Variants in KCNJ6 observed in about 807,000 individuals in gnomAD.
KCNJ6 encodes G protein-activated inward rectifier potassium channel 2.
A neutral mutation model predicts 34.2 loss-of-function variants in KCNJ6; 9 were observed. The observed-to-expected ratio is 0.26, with a 90% CI of 0.16 to 0.46. KCNJ6 has a LOEUF of 0.46. Ranked by LOEUF, KCNJ6 falls within the 20% of genes least tolerant of loss-of-function variation. KCNJ6 has a pLI of 1.00. For missense variants in KCNJ6, 236 were observed against 531.3 expected, an observed-to-expected ratio of 0.44 and a Z score of 5.46; for synonymous variants, 196 against 207.1, an observed-to-expected ratio of 0.95 and a Z score of 0.46.
intron 1 of KCNJ6, among the ~76,000 whole-genome samples, chr21:37,894,238 C>T (rs181308548): frequency 2.4e-4 from 37 of 152,328 alleles, no homozygotes; most frequent in African/African-American, 7.7e-4. Flanking sequence ...TCACAATCAC[C>T]AGGGAGCTTG....
intron 3 of KCNJ6, among the ~76,000 whole-genome samples, chr21:37,636,605 G>A (rs1384270791): frequency 2.6e-5 from 4 of 152,282 alleles, no homozygotes; most frequent in South Asian, 2.1e-4. Flanking sequence ...AAGGGAGTGC[G>A]TGTTACGGGT....
intron 3 of KCNJ6, among the ~76,000 whole-genome samples, chr21:37,707,481 T>C (rs896817392): frequency 6.6e-6 from 1 of 152,090 alleles, no homozygotes; most frequent in African/African-American, 2.4e-5. Flanking sequence ...AGACAGAGGT[T>C]ACGTAAGGCA....
intron 3 of KCNJ6, among the ~76,000 whole-genome samples, chr21:37,713,750 T>C (rs2054775191): frequency 6.6e-6 from 1 of 152,214 alleles, no homozygotes; most frequent in Non-Finnish European, 1.5e-5. Context: ...AAACCAATGC[T>C]ATAGGCCTTA....
intron 2 of KCNJ6, among the ~76,000 whole-genome samples, chr21:37,763,036 C>A (rs2055073441): frequency 6.6e-6 from 1 of 152,178 alleles, no homozygotes; most frequent in Non-Finnish European, 1.5e-5. Flanking sequence ...CACGCAGCCA[C>A]CAGTGACTGC....
chr21:37,701,293 C>T (rs923765459), intron 3 of KCNJ6, among the ~76,000 whole-genome samples: 1 of 152,148 alleles, frequency 6.6e-6, no homozygotes, highest in Admixed American at 6.5e-5. Context: ...GGAAGGGAAC[C>T]TTGAAGGAGA....
At chr21:37,754,268 G>A (rs374698247) in intron 2 of KCNJ6, among the ~76,000 whole-genome samples, 1 of 152,190 alleles carries the variant, frequency 6.6e-6, no homozygotes, top group East Asian at 1.9e-4. Flanking sequence ...AGACCTCAAG[G>A]AGACAAAGTA....
At position 37,614,430 on chromosome 21, in the gene KCNJ6, G is replaced by A. The variant is rs879773298; in HGVS notation, c.*10729C>T. On this transcript the variant is annotated 3_prime_UTR_variant, in exon 4 of 4. Coordinates refer to ENST00000609713, the MANE Select transcript of KCNJ6 (RefSeq NM_002240.5). ...TGTGTCTGTGTCTGTGTGAGTATGC[G>A]TGTATCTCTGTGTGTATGCATGTGT... 63 of 137,138 alleles carry A rather than the reference G, an allele frequency of 4.6e-4. 1 individual carries two copies. Among genetic ancestry groups the A allele is most frequent in the Admixed American group, 2.8e-3 (37 of 13,268 alleles). 8.5% of individuals were successfully genotyped at this position (137,138 alleles called of 1,614,324 possible).
At chr21:37,669,577 T>TTGTGTG (rs35169360) in intron 3 of KCNJ6, among the ~76,000 whole-genome samples, 3,458 of 149,150 alleles carry the variant, frequency 0.023, 76 homozygotes, top group South Asian at 0.14. Flanking sequence ...TCTGTGTGTG[T>TTGTGTG]TGTGTGTGTG....
In KCNJ6 at chr21:37,621,891, C is replaced by G. The variant is rs1434086718; in HGVS notation, c.*3268G>C. ...TTAATGTAAAAGAGTATAGCTTACCCAGGGGACAGCTAAAACAGAAATGAT... is the reference window on the plus strand; with the variant it reads ...TTAATGTAAAAGAGTATAGCTTACCGAGGGGACAGCTAAAACAGAAATGAT... On this transcript the variant is annotated 3_prime_UTR_variant, in exon 4 of 4. Coordinates refer to ENST00000609713, the MANE Select transcript of KCNJ6 (RefSeq NM_002240.5). The G allele has an allele frequency of 6.6e-6, 1 of 152,176 alleles. No homozygotes were observed. Among genetic ancestry groups the G allele is most frequent in the Non-Finnish European group, 1.5e-5 (1 of 68,036 alleles). The allele number at this position is 152,176 out of a possible 1,614,324, so 9.4% of individuals were successfully genotyped here.
intron 1 of KCNJ6, among the ~76,000 whole-genome samples, chr21:37,844,044 C>T (rs2055493800): frequency 6.7e-6 from 1 of 150,344 alleles, no homozygotes; most frequent in African/African-American, 2.5e-5. Context: ...TTCTTCCTTC[C>T]TCACCCCCTG....
chr21:37,781,984 G>A (rs557470509), intron 2 of KCNJ6, among the ~76,000 whole-genome samples: 13 of 152,316 alleles, frequency 8.5e-5, no homozygotes, highest in South Asian at 8.3e-4. Flanking sequence ...CAAAAGGGAC[G>A]TTGCAGATGT....
chr21:37,903,076 G>C (rs1454188111), intron 1 of KCNJ6, among the ~76,000 whole-genome samples: 6 of 152,128 alleles, frequency 3.9e-5, no homozygotes, highest in African/African-American at 1.4e-4. Flanking sequence ...AAGAGCTTCA[G>C]TGTTCCTACT....
intron 2 of KCNJ6, among the ~76,000 whole-genome samples, chr21:37,788,265 G>C (rs1178471183): frequency 6.6e-6 from 1 of 152,088 alleles, no homozygotes; most frequent in Admixed American, 6.5e-5. Context: ...AACAGAATTT[G>C]GGCCCAATTC....
chr21:37,890,347 C>T (rs759117634), intron 1 of KCNJ6, among the ~76,000 whole-genome samples: 3 of 152,180 alleles, frequency 2.0e-5, no homozygotes, highest in Non-Finnish European at 4.4e-5. Context: ...TACTTCCCAC[C>T]AGGTCCCTCC....
intron 1 of KCNJ6, among the ~76,000 whole-genome samples, chr21:37,882,077 G>T (rs2055711574): frequency 6.6e-6 from 1 of 152,164 alleles, no homozygotes; most frequent in Non-Finnish European, 1.5e-5. Flanking sequence ...TTACAAGTGG[G>T]ATTCCTATGG....
At chr21:37,750,979 A>C (rs1054611631) in intron 2 of KCNJ6, among the ~76,000 whole-genome samples, 5 of 152,246 alleles carry the variant, frequency 3.3e-5, no homozygotes, top group Admixed American at 6.5e-5. Flanking sequence ...CCTTTGTTAT[A>C]TGTTAAGGTA....
intron 3 of KCNJ6, among the ~76,000 whole-genome samples, chr21:37,630,134 C>CTGTGTGTG (rs10527592): frequency 0.38 from 54,075 of 144,136 alleles, 10,221 homozygotes; most frequent in Admixed American, 0.47. Flanking sequence ...GATGACATCT[C>CTGTGTGTG]TGTGTGTGTG....
At chr21:37,886,093 T>C (rs1218950357) in intron 1 of KCNJ6, among the ~76,000 whole-genome samples, 1 of 152,192 alleles carries the variant, frequency 6.6e-6, no homozygotes, top group Non-Finnish European at 1.5e-5. Flanking sequence ...CTGGAAAGAA[T>C]GAGGATCCTC....
chr21:37,904,345 ACTC>A (rs2055831197), intron 1 of KCNJ6, among the ~76,000 whole-genome samples: 1 of 152,072 alleles, frequency 6.6e-6, no homozygotes. Flanking sequence ...CTTAAAATAA[ACTC>A]CACTTATGCA....
Sources: allele counts gnomAD v4.1 joint callset (sites outside exome capture counted in the v4.1 genomes callset), GRCh38; gene constraint gnomAD v4.1.1; transcripts MANE v1.5; gene names NCBI Gene and HGNC (gene_info 2026-07-23, HGNC 2026-07-21).